The following SYT13 variants were observed in gnomAD, a reference collection of about 807,000 sequenced individuals.
SYT13 encodes the protein synaptotagmin-13.
SYT13 carries 21 observed loss-of-function variants against 38.6 expected under a neutral mutation model. The observed-to-expected ratio is 0.54, with a 90% CI of 0.39 to 0.78. The LOEUF (loss-of-function observed/expected upper bound fraction) is 0.78, where lower values mean the gene tolerates loss of function less well. SYT13 is among the 30% of genes least tolerant of loss of function. The pLI, the probability that SYT13 is intolerant of heterozygous loss-of-function variation, is 0.00. For synonymous variants in SYT13, 241 were observed against 237.6 expected (o/e 1.01, Z -0.13); for missense variants, 495 against 548.7 (o/e 0.90, Z 0.98).
intron 1 of SYT13, among the ~76,000 whole-genome samples, chr11:45,282,959 G>A (rs1855091200): frequency 6.6e-6 from 1 of 152,144 alleles, no homozygotes; most frequent in Non-Finnish European, 1.5e-5. Context: ...ACCAGCCTAG[G>A]CAACATGGTG....
Position 45,252,813 on chromosome 11 carries a change from G to T in SYT13, c.545-91C>A. On this transcript the variant is annotated intron_variant, in intron 3 of 5. Coordinates refer to ENST00000020926, the MANE Select transcript of SYT13 (RefSeq NM_020826.3). This position sits in a 1 kb window ranked among gnomAD's most constrained non-coding sequence, Gnocchi z 4.3. ...GCCTTGCTTAGGGCTGTGGAATCCAGCTTAACGACGTGACCTTGGGTGTCA... is the reference window on the plus strand; with the variant it reads ...GCCTTGCTTAGGGCTGTGGAATCCATCTTAACGACGTGACCTTGGGTGTCA... The T allele has an allele frequency of 2.2e-6, 3 of 1,390,400 alleles. No individual in the cohort carries two copies. Among genetic ancestry groups the T allele is most frequent in the Non-Finnish European group, 1.9e-6 (2 of 1,042,536 alleles). 86.1% of individuals were successfully genotyped at this position (1,390,400 alleles called of 1,614,324 possible). A position where few individuals can be genotyped will look rare whatever the true frequency, so the allele number is the denominator to read the frequency against.
In SYT13 at chr11:45,243,972, G is replaced by A; in HGVS notation, c.*80C>T. The A allele has an allele frequency of 7.0e-7, 1 of 1,434,010 alleles. No homozygotes were observed. The highest frequency in any genetic ancestry group is 9.4e-7 in the Non-Finnish European group (1 of 1,066,128). The allele number at this position is 1,434,010 out of a possible 1,614,324, so 88.8% of individuals were successfully genotyped here. ...ATCTGTCACTGTCTTCTGGGTGTCAGAATGAGGAAAGGGGCACAGAAAGGA... is the reference window on the plus strand; with the variant it reads ...ATCTGTCACTGTCTTCTGGGTGTCAAAATGAGGAAAGGGGCACAGAAAGGA... On this transcript the variant is annotated 3_prime_UTR_variant, in exon 6 of 6. Transcript: ENST00000020926.
At position 45,241,595 on chromosome 11, in the gene SYT13, CG is replaced by C. The variant is rs1854552587; in HGVS notation, c.*2456del. The C allele has an allele frequency of 7.2e-6, 1 of 138,698 alleles. No individual in the cohort carries two copies. The highest frequency in any genetic ancestry group is 1.5e-5 in the Non-Finnish European group (1 of 65,990). The allele number at this position is 138,698 out of a possible 1,614,324, so 8.6% of individuals were successfully genotyped here. A position where few individuals can be genotyped will look rare whatever the true frequency, so the allele number is the denominator to read the frequency against. ...TGGGTGGAGTTGATAATTCTGGGAT[CG>C]GGGCCCCGCCCAGCCCACCTGAAAT... On this transcript the variant is annotated 3_prime_UTR_variant, in exon 6 of 6. Transcript: ENST00000020926.
At chr11:45,282,951 CAGCCTAGGCAACA>C (rs1389885124) in intron 1 of SYT13, among the ~76,000 whole-genome samples, 10 of 152,012 alleles carry the variant, frequency 6.6e-5, no homozygotes, top group Non-Finnish European at 1.3e-4. Flanking sequence ...AGTTTGAGAC[CAGCCTAGGCAACA>C]TGGTGAGCCT....
In SYT13 at chr11:45,254,334, G is replaced by A. The variant is rs750308602; in HGVS notation, c.480C>T (p.Pro160=). 5 of 1,613,644 alleles carry A rather than the reference G, an allele frequency of 3.1e-6. No individual in the cohort carries two copies. In the East Asian group the frequency reaches 1.1e-4, roughly 36 times the overall value. The change falls in exon 3 of 6, where the codon CCC becomes CCT. Residue 160 remains proline (P), a synonymous_variant. Coordinates refer to ENST00000020926, the MANE Select transcript of SYT13 (RefSeq NM_020826.3). ...PEKAASWNQA[P]KLHYCLDYDC... ...CATAGTCCAGGCAGTAGTGGAGTTT[G>A]GGGGCCTGGTTCCAACTGGCAGCCT...
chr11:45,263,368 T>C (rs1751367184), intron 1 of SYT13, among the ~76,000 whole-genome samples: 1 of 152,234 alleles, frequency 6.6e-6, no homozygotes, highest in Non-Finnish European at 1.5e-5. Context: ...TGACCCCTTT[T>C]GTGACATGAT....
chr11:45,267,311 C>G (rs1202361996), intron 1 of SYT13, among the ~76,000 whole-genome samples: 2 of 152,226 alleles, frequency 1.3e-5, no homozygotes, highest in Non-Finnish European at 1.5e-5. Flanking sequence ...CGTTTCTGTG[C>G]CCCTAAGGCG....
At chr11:45,248,210 G>A (rs982384217) in intron 4 of SYT13, among the ~76,000 whole-genome samples, 3 of 151,854 alleles carry the variant, frequency 2.0e-5, no homozygotes, top group African/African-American at 7.3e-5. Flanking sequence ...TGAAATGAAT[G>A]GTAGCAGCTA....
intron 5 of SYT13, 148 bp from the exon 6 acceptor site, chr11:45,244,504 T>C: frequency 2.1e-6 from 2 of 952,998 alleles, no homozygotes; most frequent in Non-Finnish European, 3.0e-6. Context: ...CCCAAACATC[T>C]TAGAGGCCTC....
At chr11:45,281,150 T>G (rs748371652) in intron 1 of SYT13, among the ~76,000 whole-genome samples, 1 of 151,722 alleles carries the variant, frequency 6.6e-6, no homozygotes, top group Non-Finnish European at 1.5e-5. Flanking sequence ...CAGCTGAGAT[T>G]GCACCATTGC....
chr11:45,246,654 TC>T, intron 4 of SYT13, 142 bp from the exon 5 acceptor site: 1 of 1,228,762 alleles, frequency 8.1e-7, no homozygotes, highest in Admixed American at 2.6e-5. Flanking sequence ...TGCTGGGGTG[TC>T]CACCCTTGCA....
Position 45,244,172 on chromosome 11 carries a change from G to A in SYT13, c.1161C>T (p.Ser387=), listed in dbSNP as rs1255574875. The stretch of plus-strand genomic sequence containing the variant: ...CCAGGCTGCAGTGGCCAAGCGCACA[G>A]CTCTGCCCTGAATCGTCCTGGCCCA... ...EVLGQDDSGQ[S]CALGHCSLGL... is the part of the protein sequence containing the mutation. Residue 387 remains serine, a synonymous_variant, in exon 6 of 6, where the codon AGC becomes AGT. Coordinates refer to ENST00000020926, the MANE Select transcript of SYT13 (RefSeq NM_020826.3). 6.2e-7 allele frequency: 1 copy of A among 1,614,030 alleles called. No individual in the cohort carries two copies. Among genetic ancestry groups the A allele is most frequent in the Non-Finnish European group, 8.5e-7 (1 of 1,180,042 alleles).
rs1361368622 is a variant in SYT13, at chr11:45,242,990, TAG to T, written c.*1060_*1061del. 1.3e-5 allele frequency: 2 copies of T among 152,196 alleles called. No homozygotes were observed. Among genetic ancestry groups the T allele is most frequent in the East Asian group, 3.9e-4 (2 of 5,192 alleles). The allele number at this position is 152,196 out of a possible 1,614,324, so 9.4% of individuals were successfully genotyped here. On this transcript the variant is annotated 3_prime_UTR_variant, in exon 6 of 6. Coordinates refer to ENST00000020926, the MANE Select transcript of SYT13 (RefSeq NM_020826.3). Reference sequence around the variant, plus strand: ...ATTATCTTTCTTCTCTACCTACATGTAGCCAGATGTCATAGACTAAGTCAATA... The same window carrying T: ...ATTATCTTTCTTCTCTACCTACATGTCCAGATGTCATAGACTAAGTCAATA...
At chr11:45,244,873 C>A (rs762692512) in intron 5 of SYT13, among the ~76,000 whole-genome samples, 1 of 152,154 alleles carries the variant, frequency 6.6e-6, no homozygotes, top group African/African-American at 2.4e-5. Flanking sequence ...CAAGAGGGAA[C>A]CACCTTTGCT....
intron 1 of SYT13, among the ~76,000 whole-genome samples, chr11:45,266,182 A>G (rs1031106117): frequency 6.6e-6 from 1 of 152,120 alleles, no homozygotes; most frequent in Non-Finnish European, 1.5e-5. Context: ...TCCTGCACAC[A>G]ATCAGCCCAG....
chr11:45,255,725 G>C lies in SYT13; in HGVS notation c.350C>G (p.Pro117Arg). 6.2e-7 allele frequency: 1 copy of C among 1,614,104 alleles called. No homozygotes were observed. Among genetic ancestry groups the C allele is most frequent in the Non-Finnish European group, 8.5e-7 (1 of 1,180,004 alleles). ...EPTAPASPQP[P>R]NDSRLKRQVT... ...CTGCCTCTTGAGGCGACTGTCATTCGGGGGTTGGGGGCTGGCAGGTGCAGT... is the reference window on the plus strand; with the variant it reads ...CTGCCTCTTGAGGCGACTGTCATTCCGGGGTTGGGGGCTGGCAGGTGCAGT... The change falls in exon 2 of 6, where the codon CCG becomes CGG. Residue 117 changes from proline to arginine, a missense_variant. Pro to Arg is a moderately radical substitution (Grantham distance 103, BLOSUM62 -2). Transcript: ENST00000020926.
chr11:45,283,624 A>G (rs1855099595), intron 1 of SYT13, among the ~76,000 whole-genome samples: 1 of 152,248 alleles, frequency 6.6e-6, no homozygotes, highest in Non-Finnish European at 1.5e-5. Context: ...ATTCACACCC[A>G]TAGATTCAGC....
intron 1 of SYT13, among the ~76,000 whole-genome samples, chr11:45,270,883 TTA>T (rs984717610): frequency 1.3e-5 from 2 of 152,220 alleles, no homozygotes; most frequent in African/African-American, 4.8e-5. Flanking sequence ...TAGATTCTCC[TTA>T]TATATTGGTT....
chr11:45,269,463 A>G lies in SYT13; in HGVS notation c.184-13572T>C, dbSNP rs115579281. ...CATTATTTCAGCAGTCACATCACAA[A>G]GCCCTTTGGCCACCACCTCTGTAAA... On this transcript the variant is annotated intron_variant, in intron 1 of 5. Transcript: ENST00000020926. 2.2e-3 allele frequency: 2,836 copies of G among 1,283,516 alleles called. 65 individuals are homozygous for G. The African/African-American group carries it at 0.04, about 18-fold the overall frequency. The allele number at this position is 1,283,516 out of a possible 1,614,324, so 79.5% of individuals were successfully genotyped here.
Sources: gnomAD v4.1 joint callset for allele counts (sites outside exome capture counted in the v4.1 genomes callset) on GRCh38, gnomAD v4.1.1 for gene constraint, Gnocchi (gnomAD v3.1) non-coding constraint, MANE v1.5 for transcripts, NCBI Gene and HGNC (gene_info 2026-07-23, HGNC 2026-07-21) for gene names.